ABCB9: variants seen among roughly 807,000 people sequenced by gnomAD.
The protein encoded by ABCB9 is ABC-type oligopeptide transporter ABCB9.
A neutral mutation model predicts 62.0 loss-of-function variants in ABCB9; 36 were observed. That is an observed-to-expected ratio of 0.58 (90% CI 0.45 to 0.77). The LOEUF is 0.77. ABCB9 is among the 30% of genes least tolerant of loss of function. ABCB9 has a pLI of 0.00. For missense variants in ABCB9, 943 were observed against 1,054.7 expected (o/e 0.89, Z 1.47); for synonymous variants, 435 against 461.4 (o/e 0.94, Z 0.73).
upstream of ABCB9, among the ~76,000 whole-genome samples, chr12:122,968,321 G>A (rs949814988): frequency 6.6e-6 from 1 of 152,172 alleles, no homozygotes; most frequent in African/African-American, 2.4e-5. Flanking sequence ...ATCTGAGCCT[G>A]TTTTCTCATC....
chr12:122,973,798 T>C (rs1030742346), intron 1 of ABCB9, among the ~76,000 whole-genome samples: 2 of 151,516 alleles, frequency 1.3e-5, no homozygotes, highest in South Asian at 2.1e-4. Flanking sequence ...GAGGCAGAGC[T>C]TACAGTGAGC....
intron 1 of ABCB9, among the ~76,000 whole-genome samples, chr12:122,963,166 T>C (rs2036999346): frequency 6.6e-6 from 1 of 152,062 alleles, no homozygotes; most frequent in Admixed American, 6.6e-5. Context: ...AGCATGGTGG[T>C]GCACGCCTGT....
chr12:122,958,900 C>T (rs2036748562), intron 2 of ABCB9, among the ~76,000 whole-genome samples: 1 of 151,602 alleles, frequency 6.6e-6, no homozygotes, highest in South Asian at 2.1e-4. Flanking sequence ...TTGTCTTTTA[C>T]TTTTTCCTTT....
rs797011705 is a variant in ABCB9, at chr12:122,921,839, A to T, written c.2041-796T>A. On this transcript the variant is annotated intron_variant, in intron 11 of 11. Transcript: ENST00000344275. ...CTGAGCTCCCTCTGCCAAAAAAAAA[A>T]TTTAAAAAATTGTCCGTATTATTAT... 1.4e-4 allele frequency among the ~76,000 whole-genome samples: 21 copies of T among 152,334 alleles called. 1 individual carries two copies. Among genetic ancestry groups the T allele is most frequent in the African/African-American group, 5.0e-4 (21 of 41,586 alleles).
At chr12:122,965,619 C>T (rs1485427967) in intron 1 of ABCB9, among the ~76,000 whole-genome samples, 4 of 152,252 alleles carry the variant, frequency 2.6e-5, no homozygotes, top group Non-Finnish European at 5.9e-5. Flanking sequence ...CTCCAAGCCT[C>T]CTCTTGTCAC....
At position 122,947,018 on chromosome 12, in the gene ABCB9, T is replaced by G. The variant is rs1459840931; in HGVS notation, c.1054-796A>C. Among the ~76,000 whole-genome samples the G allele has an allele frequency of 6.6e-6, 1 of 152,244 alleles. No individual in the cohort carries two copies. Among genetic ancestry groups the G allele is most frequent in the Non-Finnish European group, 1.5e-5 (1 of 68,054 alleles). On this transcript the variant is annotated intron_variant, in intron 5 of 11. Transcript: ENST00000280560. The surrounding 1 kb of genome is among the most constrained non-coding windows in gnomAD (Gnocchi z 6.0). ...AGCATGCAGGGTGCCTGAGTCATGT[T>G]TGGCCATGGGCGGTGTGTGTGGTTT...
Position 122,929,407 on chromosome 12 carries a change from C to T in ABCB9, c.*504G>A, listed in dbSNP as rs942725690. On this transcript the variant is annotated 3_prime_UTR_variant, in exon 12 of 12. Coordinates refer to ENST00000280560, the MANE Select transcript of ABCB9 (RefSeq NM_019625.4). The surrounding 1 kb of genome is among the most constrained non-coding windows in gnomAD (Gnocchi z 6.0). ...GGCAAGAGGGAGAGACGGAAAATCCCGTTCCCCGTGTCTCCCTCCGGGACA... is the reference window on the plus strand; with the variant it reads ...GGCAAGAGGGAGAGACGGAAAATCCTGTTCCCCGTGTCTCCCTCCGGGACA... 5 of 986,534 alleles carry T rather than the reference C, an allele frequency of 5.1e-6. No individual in the cohort carries two copies. Among genetic ancestry groups the T allele is most frequent in the Admixed American group, 6.1e-5 (1 of 16,290 alleles). The allele number at this position is 986,534 out of a possible 1,614,324, so 61.1% of individuals were successfully genotyped here.
Position 122,932,307 on chromosome 12 carries a change from T to C in ABCB9, c.1925A>G (p.Gln642Arg), listed in dbSNP as rs1195187960. 3 of 1,551,030 alleles carry C rather than the reference T, an allele frequency of 1.9e-6. No individual in the cohort carries two copies. The highest frequency in any genetic ancestry group is 2.6e-6 in the Non-Finnish European group (3 of 1,147,008). Residue 642 changes from glutamine to arginine, a missense_variant, in exon 11 of 12, where the codon CAG becomes CGG. Physicochemically the swap from Gln to Arg is conservative, Grantham distance 43. Transcript: ENST00000280560. The surrounding 1 kb of genome is among the most constrained non-coding windows in gnomAD (Gnocchi z 4.7). ...CCGCTGCTTCTGGCCACCTGACAGC[T>C]GGGCGCCCTTCTCCCCTGTCTCTGT... ...YSTETGEKGA[Q>R]LSGGQKQRVA...
downstream of ABCB9, among the ~76,000 whole-genome samples, chr12:122,919,148 A>G (rs936156136): frequency 1.4e-4 from 22 of 152,102 alleles, no homozygotes; most frequent in Admixed American, 6.6e-4. Flanking sequence ...CCATTCATAC[A>G]TTGGATTGTT....
chr12:122,973,609 A>AAAAC (rs762311490), intron 1 of ABCB9, among the ~76,000 whole-genome samples: 1 of 88,802 alleles, frequency 1.1e-5, no homozygotes, highest in Non-Finnish European at 2.3e-5. Context: ...AAAAAAAAAA[A>AAAAC]CAAAAACTTT....
chr12:122,931,825 G>T, intron 11 of ABCB9: 2 of 264,058 alleles, frequency 7.6e-6, no homozygotes, highest in Non-Finnish European at 1.5e-5. Context: ...TGTATTTCTA[G>T]TAGAGATGGG....
At chr12:122,924,788 T>C (rs1566146147), downstream of ABCB9, 2 of 1,534,864 alleles carry the variant, frequency 1.3e-6, no homozygotes, top group East Asian at 2.4e-5. Flanking sequence ...CTGCAATTAC[T>C]TTCTCCTGGT....
intron 10 of ABCB9, among the ~76,000 whole-genome samples, chr12:122,933,568 A>G (rs995053740): frequency 6.6e-6 from 1 of 152,268 alleles, no homozygotes; most frequent in East Asian, 1.9e-4. Flanking sequence ...AAAAAAAAAA[A>G]AGTGAATAAT....
chr12:122,950,003 C>T, intron 3 of ABCB9, 85 bp from the exon 4 acceptor site: 5 of 1,569,000 alleles, frequency 3.2e-6, no homozygotes, highest in Non-Finnish European at 4.4e-6. Context: ...TGCCGGCAGG[C>T]CTGGGAGCCC....
At position 122,944,506 on chromosome 12, in the gene ABCB9, A is replaced by G. The variant is rs1224700460; in HGVS notation, c.1265T>C (p.Val422Ala). The G allele has an allele frequency of 6.2e-7, 1 of 1,613,844 alleles. No individual in the cohort carries two copies. Among genetic ancestry groups the G allele is most frequent in the Non-Finnish European group, 8.5e-7 (1 of 1,179,912 alleles). Residue 422 changes from valine (V) to alanine (A), a missense_variant, in exon 7 of 12, where the codon GTG becomes GCG. By Grantham distance (64) the Val-to-Ala change is moderately conservative. Coordinates refer to ENST00000280560, the MANE Select transcript of ABCB9 (RefSeq NM_019625.4). This position sits in a 1 kb window ranked among gnomAD's most constrained non-coding sequence, Gnocchi z 4.9. ...YVWGSGLTLL[V>A]VQVSILYYGG... The stretch of plus-strand genomic sequence containing the variant: ...GTAGTAGAGGATGCTGACCTGGACC[A>G]CCAGCAGTGTGAGCTGGGGCAGAGG...
chr12:122,958,092 C>A (rs2036702695), intron 2 of ABCB9, among the ~76,000 whole-genome samples: 1 of 149,388 alleles, frequency 6.7e-6, no homozygotes, highest in Admixed American at 6.8e-5. Context: ...ATCGCTTGAA[C>A]CCAGGAGATG....
chr12:122,943,479 C>A (rs1478363638), intron 7 of ABCB9, among the ~76,000 whole-genome samples: 1 of 152,158 alleles, frequency 6.6e-6, no homozygotes, highest in Non-Finnish European at 1.5e-5. Flanking sequence ...GCCCCGTTCC[C>A]GAGCAAATGT....
chr12:122,920,292 G>A (rs976030271), downstream of ABCB9, among the ~76,000 whole-genome samples: 1 of 150,148 alleles, frequency 6.7e-6, no homozygotes, highest in East Asian at 2.0e-4. Flanking sequence ...TAGTGACTCA[G>A]CACAGGTATC....
At chr12:122,926,191 A>C (rs142904339), downstream of ABCB9, among the ~76,000 whole-genome samples, 10 of 152,192 alleles carry the variant, frequency 6.6e-5, no homozygotes, top group African/African-American at 2.4e-4. Flanking sequence ...TCATAAGTGT[A>C]CTAGATGTCA....
Sources: gnomAD v4.1 joint callset for allele counts (sites outside exome capture counted in the v4.1 genomes callset) on GRCh38, gnomAD v4.1.1 for gene constraint, Gnocchi (gnomAD v3.1) non-coding constraint, MANE v1.5 for transcripts, NCBI Gene and HGNC (gene_info 2026-07-23, HGNC 2026-07-21) for gene names.